SLIT3: variants seen among roughly 807,000 people sequenced by gnomAD.
SLIT3 encodes the protein slit guidance ligand 3.
Under a neutral mutation model 184.0 loss-of-function variants are expected in SLIT3, and 68 were observed. The ratio of observed to expected loss-of-function variants is 0.37; its 90% CI spans 0.30 to 0.45. The LOEUF is 0.45. Among genes scored for constraint, SLIT3 ranks in the 20% least tolerant of loss-of-function variants. SLIT3 has a pLI of 1.00. For missense variants in SLIT3, 1,707 were observed against 2,026.0 expected, an observed-to-expected ratio of 0.84 and a Z score of 3.02; for synonymous variants, 831 against 828.6, an observed-to-expected ratio of 1.00 and a Z score of -0.05.
At chr5:169,192,536 A>G (rs992232934) in intron 4 of SLIT3, among the ~76,000 whole-genome samples, 3 of 151,848 alleles carry the variant, frequency 2.0e-5, no homozygotes, top group East Asian at 1.9e-4. Flanking sequence ...ATGTTTCCCA[A>G]TTTATCCCAG....
intron 20 of SLIT3, among the ~76,000 whole-genome samples, chr5:168,734,273 C>T (rs1219383683): frequency 6.6e-6 from 1 of 152,208 alleles, no homozygotes; most frequent in Non-Finnish European, 1.5e-5. Context: ...CAACCGAGCA[C>T]CACAGCCTAC....
In SLIT3 at chr5:169,137,745, C is replaced by T. The variant is rs955274410; in HGVS notation, c.413+55734G>A. Among the ~76,000 whole-genome samples, 3 of 152,066 alleles carry T rather than the reference C, an allele frequency of 2.0e-5. 1 individual carries two copies. The highest frequency in any genetic ancestry group is 4.2e-4 in the South Asian group (2 of 4,786). On this transcript the variant is annotated intron_variant, in intron 4 of 35. Transcript: ENST00000519560. Reference sequence around the variant, plus strand: ...AGAAACCTAGGGTGACCAACTATCCCCATTTGCCAAGGACTGATGGGGTTC... The same window carrying T: ...AGAAACCTAGGGTGACCAACTATCCTCATTTGCCAAGGACTGATGGGGTTC...
chr5:169,081,997 G>C (rs1406944157), intron 4 of SLIT3, among the ~76,000 whole-genome samples: 1 of 152,138 alleles, frequency 6.6e-6, no homozygotes, highest in Non-Finnish European at 1.5e-5. Context: ...CCCCCCCACA[G>C]CATAACATTT....
intron 4 of SLIT3, among the ~76,000 whole-genome samples, chr5:169,001,361 C>T (rs1755696925): frequency 6.6e-6 from 1 of 152,096 alleles, no homozygotes; most frequent in Non-Finnish European, 1.5e-5. Flanking sequence ...AATTCACTTT[C>T]TGCTTGAAAT....
At chr5:169,104,812 G>C (rs67928914) in intron 4 of SLIT3, among the ~76,000 whole-genome samples, 42,866 of 152,100 alleles carry the variant, frequency 0.28, 6,433 homozygotes, top group East Asian at 0.51. Flanking sequence ...AACTCTCAGG[G>C]GGAGAAAAGA....
At chr5:168,981,584 C>T (rs62378587) in intron 4 of SLIT3, among the ~76,000 whole-genome samples, 6,196 of 152,256 alleles carry the variant, frequency 0.041, 162 homozygotes, top group Non-Finnish European at 0.057. Flanking sequence ...TCCCTGACTT[C>T]CATTATTGTA....
At chr5:168,707,792 C>A (rs1762418779) in intron 26 of SLIT3, 184 bp downstream of exon 26, 1 of 621,938 alleles carries the variant, frequency 1.6e-6, no homozygotes, top group Admixed American at 3.1e-5. Context: ...ACTGGCAGCT[C>A]CCGCTAGTTC....
At chr5:169,130,841 G>A (rs1187456258) in intron 4 of SLIT3, among the ~76,000 whole-genome samples, 1 of 152,144 alleles carries the variant, frequency 6.6e-6, no homozygotes, top group Non-Finnish European at 1.5e-5. Flanking sequence ...AGCATGAGGA[G>A]CTCAACATAA....
At chr5:168,860,624 GA>G (rs1162235665) in intron 5 of SLIT3, among the ~76,000 whole-genome samples, 3 of 152,212 alleles carry the variant, frequency 2.0e-5, no homozygotes, top group African/African-American at 7.2e-5. Context: ...CTATCTTTCA[GA>G]TACAGACCAA....
chr5:168,880,626 T>G (rs1188710941), intron 5 of SLIT3, among the ~76,000 whole-genome samples: 10 of 152,258 alleles, frequency 6.6e-5, no homozygotes, highest in Non-Finnish European at 1.5e-4. Context: ...ATTATTTTAT[T>G]AACCTCCACA....
At chr5:168,911,161 C>T (rs78980098) in intron 4 of SLIT3, among the ~76,000 whole-genome samples, 3,104 of 152,122 alleles carry the variant, frequency 0.02, 116 homozygotes, top group African/African-American at 0.072. Flanking sequence ...AAATACTGCA[C>T]GTTAATTAAA....
At chr5:169,164,280 C>T (rs559429180) in intron 4 of SLIT3, among the ~76,000 whole-genome samples, 3 of 152,256 alleles carry the variant, frequency 2.0e-5, no homozygotes, top group South Asian at 4.2e-4. Flanking sequence ...TAAATATTTC[C>T]GGCTAATTCA....
intron 7 of SLIT3, among the ~76,000 whole-genome samples, chr5:168,817,773 T>C (rs1757384436): frequency 6.6e-6 from 1 of 152,206 alleles, no homozygotes; most frequent in African/African-American, 2.4e-5. Context: ...ATTATTACAG[T>C]GACATCCTGA....
intron 4 of SLIT3, among the ~76,000 whole-genome samples, chr5:169,151,445 TA>T (rs1336520521): frequency 2.6e-5 from 4 of 152,184 alleles, no homozygotes; most frequent in African/African-American, 7.2e-5. Flanking sequence ...TCACTCACTT[TA>T]AAAGCCAGCC....
chr5:168,772,099 CT>C (rs1755571482), intron 14 of SLIT3: 1 of 152,218 alleles, frequency 6.6e-6, no homozygotes, highest in Admixed American at 6.5e-5. Flanking sequence ...GAGAATTCCC[CT>C]GCTGTTTTCC....
chr5:169,098,748 G>A (rs1435771353), intron 4 of SLIT3, among the ~76,000 whole-genome samples: 13 of 152,142 alleles, frequency 8.5e-5, no homozygotes, highest in African/African-American at 9.7e-5. Flanking sequence ...CTCCTTTACC[G>A]GACACAGTCA....
chr5:168,992,007 T>C (rs2113388809), intron 4 of SLIT3, among the ~76,000 whole-genome samples: 2 of 152,308 alleles, frequency 1.3e-5, no homozygotes, highest in South Asian at 4.1e-4. Context: ...AAAGGGCCCA[T>C]ATAAGAACTC....
chr5:168,694,884 G>T (rs1033604248), intron 28 of SLIT3, among the ~76,000 whole-genome samples: 4 of 152,208 alleles, frequency 2.6e-5, no homozygotes, highest in Non-Finnish European at 4.4e-5. Context: ...CTCTCAAAGT[G>T]CTGGGATTAC....
rs184302762 is a variant in SLIT3 at position 169,071,739 on chromosome 5, T to C, written c.413+121740A>G. ...TGCCTGGCGGTCCCTTTCCACCACA[T>C]AGACCTTGTGTTCTTGAGTTACCAC... is the stretch of plus-strand genomic sequence containing the variant. On this transcript the variant is annotated intron_variant, in intron 4 of 35. Coordinates refer to ENST00000519560, the MANE Select transcript of SLIT3 (RefSeq NM_003062.4). Among the ~76,000 whole-genome samples the C allele has an allele frequency of 2.0e-5, 3 of 152,338 alleles. No individual in the cohort carries two copies. The East Asian group carries it at 5.8e-4, about 29-fold the overall frequency.
Sources: allele counts gnomAD v4.1 joint callset (sites outside exome capture counted in the v4.1 genomes callset), GRCh38; gene constraint gnomAD v4.1.1; transcripts MANE v1.5; gene names NCBI Gene and HGNC (gene_info 2026-07-23, HGNC 2026-07-21).